The following KIAA0232 variants were observed in gnomAD, a reference collection of about 807,000 sequenced individuals.
The protein encoded by KIAA0232 is KIAA0232.
A neutral mutation model predicts 122.0 loss-of-function variants in KIAA0232; 27 were observed. The observed-to-expected ratio is 0.22, with a 90% CI of 0.16 to 0.31. The LOEUF is 0.31. Among genes scored for constraint, KIAA0232 ranks in the 10% least tolerant of loss-of-function variants. The pLI, the probability that KIAA0232 is intolerant of heterozygous loss-of-function variation, is 1.00. For synonymous variants in KIAA0232, 613 were observed against 587.6 expected (o/e 1.04, Z -0.63); for missense variants, 1,551 against 1,634.2 (o/e 0.95, Z 0.88).
intron 7 of KIAA0232, among the ~76,000 whole-genome samples, chr4:6,865,078 C>CTATG (rs149371444): frequency 0.027 from 4,147 of 152,178 alleles, 351 homozygotes; most frequent in East Asian, 0.24. Context: ...TATGTTAAGG[C>CTATG]TATGGAATGA....
intron 4 of KIAA0232, among the ~76,000 whole-genome samples, chr4:6,850,768 T>A (rs1416367295): frequency 6.6e-6 from 1 of 152,038 alleles, no homozygotes; most frequent in Non-Finnish European, 1.5e-5. Flanking sequence ...CCTCCTGGGT[T>A]CAAGCGATTC....
chr4:6,793,551 A>C (rs554081560), intron 1 of KIAA0232, among the ~76,000 whole-genome samples: 1 of 152,342 alleles, frequency 6.6e-6, no homozygotes, highest in Admixed American at 6.5e-5. Context: ...TAAGCTCATC[A>C]TAGGCGAGTC....
intron 1 of KIAA0232, among the ~76,000 whole-genome samples, chr4:6,783,903 C>G (rs1716488041): frequency 2.6e-5 from 4 of 152,166 alleles, no homozygotes; most frequent in Admixed American, 1.3e-4. Context: ...CTGCTTCTTC[C>G]CGCTGGAGAA....
chr4:6,811,692 G>C (rs1249991847), intron 2 of KIAA0232, among the ~76,000 whole-genome samples: 1 of 150,276 alleles, frequency 6.7e-6, no homozygotes, highest in East Asian at 2.0e-4. Context: ...CAGTCCGTCC[G>C]CCTCGGCCAC....
At chr4:6,791,800 T>C (rs1204954640) in intron 1 of KIAA0232, among the ~76,000 whole-genome samples, 1 of 152,218 alleles carries the variant, frequency 6.6e-6, no homozygotes, top group Non-Finnish European at 1.5e-5. Flanking sequence ...TGGAATGCTT[T>C]CCATATCAGA....
At chr4:6,849,557 C>T (rs577880376) in intron 4 of KIAA0232, among the ~76,000 whole-genome samples, 8 of 152,196 alleles carry the variant, frequency 5.3e-5, no homozygotes, top group Middle Eastern at 3.4e-3. Flanking sequence ...CAGAGGTTCC[C>T]GTGAGCTGAG....
At chr4:6,837,523 A>G (rs551335916) in intron 3 of KIAA0232, among the ~76,000 whole-genome samples, 105 of 152,310 alleles carry the variant, frequency 6.9e-4, no homozygotes, top group African/African-American at 2.5e-3. Flanking sequence ...GCGGCCAGGC[A>G]GAGGCTGCAG....
intron 1 of KIAA0232, among the ~76,000 whole-genome samples, chr4:6,788,618 T>TA (rs1466633077): frequency 6.6e-6 from 1 of 152,250 alleles, no homozygotes; most frequent in Admixed American, 6.5e-5. Flanking sequence ...AGGAAAATCT[T>TA]AATCATTTCT....
At chr4:6,795,854 G>C (rs1406216742) in intron 1 of KIAA0232, among the ~76,000 whole-genome samples, 1 of 152,186 alleles carries the variant, frequency 6.6e-6, no homozygotes, top group African/African-American at 2.4e-5. Context: ...GCCTCCGCAA[G>C]TGCTGGGGTT....
At position 6,794,321 on chromosome 4, in the gene KIAA0232, A is replaced by T. The variant is rs533042673; in HGVS notation, c.-353-10202A>T. Among the ~76,000 whole-genome samples, 5 of 152,288 alleles carry T rather than the reference A, an allele frequency of 3.3e-5. No homozygotes were observed. The East Asian group carries it at 9.6e-4, about 29-fold the overall frequency. ...TAAACCATTAGTTGGGGGCAGCCTGATGGAAGCATGGCTTGGTGTCAGTGC... is the reference window on the plus strand; with the variant it reads ...TAAACCATTAGTTGGGGGCAGCCTGTTGGAAGCATGGCTTGGTGTCAGTGC... On this transcript the variant is annotated intron_variant, in intron 1 of 9. Transcript: ENST00000307659.
Position 6,862,458 on chromosome 4 carries a change from C to CA in KIAA0232, c.2081dup (p.Asn694LysfsTer2). Reference sequence around the variant, plus strand: ...CACAGTCTAGATTGCTAATATGGACCAAAAATAGTGCCTTTGAAGAAAATG... The same window carrying CA: ...CACAGTCTAGATTGCTAATATGGACCAAAAAATAGTGCCTTTGAAGAAAATG... On this transcript the variant is annotated frameshift_variant, in exon 7 of 10. Coordinates refer to ENST00000307659, the MANE Select transcript of KIAA0232 (RefSeq NM_014743.3). LOFTEE classifies it high-confidence loss of function. 1 of 1,613,974 alleles carries CA rather than the reference C, an allele frequency of 6.2e-7. No homozygotes were observed. Among genetic ancestry groups the CA allele is most frequent in the South Asian group, 1.1e-5 (1 of 91,068 alleles).
Position 6,838,248 on chromosome 4 carries a change from G to C in KIAA0232, c.232-3819G>C, listed in dbSNP as rs1184963622. Among the ~76,000 whole-genome samples, 3 of 150,934 alleles carry C rather than the reference G, an allele frequency of 2.0e-5. No individual in the cohort carries two copies. In the East Asian group the frequency reaches 5.8e-4, roughly 29 times the overall value. On this transcript the variant is annotated intron_variant, in intron 3 of 9. Transcript: ENST00000307659. ...CTGTCACCCAAACTGGAGCACAGTG[G>C]CGTGATCTCTGCTCACTGCAGCCTC...
At chr4:6,786,246 A>G (rs999680296) in intron 1 of KIAA0232, among the ~76,000 whole-genome samples, 11 of 152,232 alleles carry the variant, frequency 7.2e-5, no homozygotes, top group African/African-American at 2.7e-4. Context: ...AGAGTATGTT[A>G]ATATTATAAA....
rs555413727 is a variant in KIAA0232 at position 6,847,912 on chromosome 4, A to G, written c.369+5708A>G. Among the ~76,000 whole-genome samples, 18 of 152,266 alleles carry G rather than the reference A, an allele frequency of 1.2e-4. No individual in the cohort carries two copies. In the South Asian group the frequency reaches 3.7e-3, roughly 32 times the overall value. ...TTTTATTTTTATTGAGCCACTTAAA[A>G]CTGAATCAAAGCTAGTACTTTATCT... On this transcript the variant is annotated intron_variant, in intron 4 of 9. Transcript: ENST00000307659.
chr4:6,821,686 A>G (rs1018539389), intron 2 of KIAA0232, among the ~76,000 whole-genome samples: 10 of 150,006 alleles, frequency 6.7e-5, no homozygotes, highest in African/African-American at 2.2e-4. Context: ...ACATGTATAT[A>G]TGTGTGTGTG....
intron 4 of KIAA0232, 77 bp from the exon 5 acceptor site, chr4:6,857,087 A>C: frequency 1.9e-6 from 2 of 1,035,338 alleles, no homozygotes; most frequent in Non-Finnish European, 2.7e-6. Flanking sequence ...AAACCTGTGT[A>C]TTAAAACAAA....
At chr4:6,783,099 G>T (rs1443864121) in intron 1 of KIAA0232, among the ~76,000 whole-genome samples, 2 of 151,776 alleles carry the variant, frequency 1.3e-5, no homozygotes, top group East Asian at 1.9e-4. Flanking sequence ...GCCGCCGGGG[G>T]CTCCGGGGCC....
In KIAA0232 at chr4:6,881,100, C is replaced by A; in HGVS notation, c.*134C>A. 3.2e-6 allele frequency: 2 copies of A among 634,262 alleles called. No individual in the cohort carries two copies. The highest frequency in any genetic ancestry group is 4.9e-6 in the Non-Finnish European group (2 of 411,206). 39.3% of individuals were successfully genotyped at this position (634,262 alleles called of 1,614,324 possible). A position where few individuals can be genotyped will look rare whatever the true frequency, so the allele number is the denominator to read the frequency against. On this transcript the variant is annotated 3_prime_UTR_variant, in exon 10 of 10. Coordinates refer to ENST00000307659, the MANE Select transcript of KIAA0232 (RefSeq NM_014743.3). ...ACTGATTCAGATTGGTAATAATTAT[C>A]TTTCTCTTCTTGCTTATTTTAGAGT...
chr4:6,846,233 G>C (rs1038777551), intron 4 of KIAA0232, among the ~76,000 whole-genome samples: 3 of 152,136 alleles, frequency 2.0e-5, no homozygotes, highest in African/African-American at 7.2e-5. Flanking sequence ...GAATGAATGA[G>C]GAGAGTCTTC....
Sources: gnomAD v4.1 joint callset for allele counts (sites outside exome capture counted in the v4.1 genomes callset) on GRCh38, gnomAD v4.1.1 for gene constraint, MANE v1.5 for transcripts, NCBI Gene and HGNC (gene_info 2026-07-23, HGNC 2026-07-21) for gene names.